The following NSD2 variants were observed in gnomAD, a reference collection of about 807,000 sequenced individuals.
NSD2 encodes the protein nuclear receptor binding SET domain protein 2, also known as histone-lysine N-methyltransferase NSD2.
Under a neutral mutation model 139.0 loss-of-function variants are expected in NSD2, and 12 were observed. The observed-to-expected ratio is 0.09, with a 90% CI of 0.06 to 0.14. The LOEUF (loss-of-function observed/expected upper bound fraction) is 0.14, where lower values mean the gene tolerates loss of function less well. Among genes scored for constraint, NSD2 ranks in the 10% least tolerant of loss-of-function variants. NSD2 has a pLI of 1.00. For synonymous variants in NSD2, 669 were observed against 648.7 expected (o/e 1.03, Z -0.48); for missense variants, 1,155 against 1,745.0 (o/e 0.66, Z 6.02).
At chr4:1,975,657 G>A in intron 20 of NSD2, 1 of 445,224 alleles carries the variant, frequency 2.2e-6, no homozygotes, top group Non-Finnish European at 4.1e-6. Flanking sequence ...CTGGGTGTGG[G>A]CAGGGCCGTG....
intron 1 of NSD2, among the ~76,000 whole-genome samples, chr4:1,886,266 G>T (rs571439420): frequency 2.0e-5 from 3 of 152,116 alleles, no homozygotes; most frequent in Non-Finnish European, 4.4e-5. Context: ...GAGTGTGGTG[G>T]TATGATCTCA....
intron 1 of NSD2, among the ~76,000 whole-genome samples, chr4:1,877,608 T>C (rs1003084589): frequency 6.6e-6 from 1 of 152,192 alleles, no homozygotes; most frequent in African/African-American, 2.4e-5. Context: ...GGCCCCACAC[T>C]GAATGCTGTG....
At chr4:1,977,806 C>A (rs1424544908) in intron 21 of NSD2, among the ~76,000 whole-genome samples, 2 of 142,336 alleles carry the variant, frequency 1.4e-5, no homozygotes, top group African/African-American at 5.5e-5. Flanking sequence ...AAAAAAAAAC[C>A]AAACAAACAA....
intron 6 of NSD2, 39 bp from the exon 7 acceptor site, chr4:1,935,105 G>A: frequency 1.9e-6 from 3 of 1,542,284 alleles, no homozygotes; most frequent in Non-Finnish European, 2.7e-6. Context: ...AGCTTTTGGA[G>A]TGGTTTTCAT....
intron 9 of NSD2, chr4:1,940,328 G>A (rs1722958575): frequency 9.3e-7 from 1 of 1,069,906 alleles, no homozygotes; most frequent in Non-Finnish European, 1.1e-6. Context: ...AGGTGAGTCA[G>A]AACTACCATT....
Position 1,948,843 on chromosome 4 carries a change from G to A in NSD2, c.1882-2229G>A, listed in dbSNP as rs1560737747. The A allele has an allele frequency of 4.0e-6, 4 of 1,005,100 alleles. No homozygotes were observed. The highest frequency in any genetic ancestry group is 4.7e-5 in the South Asian group (1 of 21,208). 62.3% of individuals were successfully genotyped at this position (1,005,100 alleles called of 1,614,324 possible). ...GACCCAGGACTGCTTTGTGTTTTCT[G>A]TCTTTCTCTCCATGCATTTTTTTTC... On this transcript the variant is annotated intron_variant, in intron 9 of 21. Transcript: ENST00000508803. This position sits in a 1 kb window ranked among gnomAD's most constrained non-coding sequence, Gnocchi z 4.5.
chr4:1,947,201 A>G, intron 9 of NSD2: 5 of 1,064,500 alleles, frequency 4.7e-6, no homozygotes, highest in Non-Finnish European at 5.7e-6. Flanking sequence ...GCCGCTGCTC[A>G]GGACACAGTG....
At position 1,979,806 on chromosome 4, in the gene NSD2, G is replaced by A. The variant is rs1727574247; in HGVS notation, c.*897G>A. The A allele has an allele frequency of 4.3e-6, 1 of 232,454 alleles. No homozygotes were observed. Among genetic ancestry groups the A allele is most frequent in the African/African-American group, 2.2e-5 (1 of 45,294 alleles). The allele number at this position is 232,454 out of a possible 1,614,324, so 14.4% of individuals were successfully genotyped here. ...CCTATTTCACAAATCACCACCGACTGAAGTGTGTGTTTACTGATGCGGCCC... is the reference window on the plus strand; with the variant it reads ...CCTATTTCACAAATCACCACCGACTAAAGTGTGTGTTTACTGATGCGGCCC... On this transcript the variant is annotated 3_prime_UTR_variant, in exon 22 of 22. Transcript: ENST00000508803.
intron 18 of NSD2, among the ~76,000 whole-genome samples, chr4:1,968,838 T>A (rs770070191): frequency 6.6e-6 from 1 of 152,166 alleles, no homozygotes. Flanking sequence ...GTCCGACAGT[T>A]GGAAAGATCC....
intron 9 of NSD2, chr4:1,944,379 A>G: frequency 1.9e-6 from 2 of 1,065,888 alleles, no homozygotes; most frequent in Non-Finnish European, 2.3e-6. Context: ...CCTTCATTTC[A>G]TAAGAACCTC....
At chr4:1,926,584 C>T (rs951882277) in intron 5 of NSD2, among the ~76,000 whole-genome samples, 1 of 151,892 alleles carries the variant, frequency 6.6e-6, no homozygotes. Context: ...GATCCTCCCC[C>T]CTCAGCCTTC....
At chr4:1,947,391 C>G (rs749121570) in intron 9 of NSD2, 2 of 1,060,798 alleles carry the variant, frequency 1.9e-6, no homozygotes, top group African/African-American at 3.3e-5. Flanking sequence ...GGTTAGAAGA[C>G]GACTGTGGTG....
At position 1,978,833 on chromosome 4, in the gene NSD2, C is replaced by T. The variant is rs774265779; in HGVS notation, c.4022C>T (p.Pro1341Leu). ...GTCAGAAGCACCAAGACTGAGAAGC[C>T]CCCCCCAGAGCCAGGGAAGCCGAAG... ...ASVRSTKTEK[P>L]PPEPGKPKGK... Residue 1341 changes from proline (P) to leucine (L), a missense_variant, in exon 22 of 22, where the codon CCC (proline) becomes CTC (leucine). By Grantham distance (98) the Pro-to-Leu change is moderately conservative. This residue lies in a region of NSD2 where 132 missense variants were observed against 94.3 expected (regional missense o/e 1.40). Transcript: ENST00000508803. 2.4e-5 allele frequency: 38 copies of T among 1,605,008 alleles called. No homozygotes were observed. Among genetic ancestry groups the T allele is most frequent in the Admixed American group, 1.7e-4 (10 of 59,602 alleles).
chr4:1,885,110 CAA>C (rs962763111), intron 1 of NSD2, among the ~76,000 whole-genome samples: 2 of 134,310 alleles, frequency 1.5e-5, no homozygotes, highest in Non-Finnish European at 3.2e-5. Context: ...AACTCTGTTT[CAA>C]AAAAAAAAAA....
chr4:1,955,100 T>G lies in NSD2; in HGVS notation c.2339-61T>G. On this transcript the variant is annotated intron_variant, in intron 12 of 21. Transcript: ENST00000508803. This position sits in a 1 kb window ranked among gnomAD's most constrained non-coding sequence, Gnocchi z 4.7. The stretch of plus-strand genomic sequence containing the variant: ...TGGAGGCTGAGTAATTATTAGTTGC[T>G]CTTTTCACTATGACTGGAGTCAGTG... 6.7e-7 allele frequency: 1 copy of G among 1,488,930 alleles called. No homozygotes were observed. Among genetic ancestry groups the G allele is most frequent in the East Asian group, 2.3e-5 (1 of 43,436 alleles). The allele number at this position is 1,488,930 out of a possible 1,614,324, so 92.2% of individuals were successfully genotyped here. A position where few individuals can be genotyped will look rare whatever the true frequency, so the allele number is the denominator to read the frequency against.
chr4:1,872,403 GTC>G (rs1713857577), intron 1 of NSD2, among the ~76,000 whole-genome samples: 1 of 152,186 alleles, frequency 6.6e-6, no homozygotes, highest in African/African-American at 2.4e-5. Flanking sequence ...AAAAATGCTG[GTC>G]TTAAGTTTCG....
intron 1 of NSD2, among the ~76,000 whole-genome samples, chr4:1,872,216 G>A (rs1713839465): frequency 6.6e-6 from 1 of 152,114 alleles, no homozygotes; most frequent in Non-Finnish European, 1.5e-5. Context: ...CCGGGTGTGG[G>A]TACCCTGCTG....
intron 18 of NSD2, among the ~76,000 whole-genome samples, chr4:1,967,228 A>T (rs1459833211): frequency 1.3e-5 from 2 of 152,228 alleles, no homozygotes; most frequent in Admixed American, 1.3e-4. Flanking sequence ...AAATCATGAA[A>T]AAAATGGAAA....
chr4:1,963,225 G>T (rs1220884350), intron 18 of NSD2, among the ~76,000 whole-genome samples: 2 of 152,194 alleles, frequency 1.3e-5, no homozygotes, highest in Non-Finnish European at 2.9e-5. Flanking sequence ...GCGAGAGTGG[G>T]TTTGTACACA....
Sources: allele counts gnomAD v4.1 joint callset (sites outside exome capture counted in the v4.1 genomes callset), GRCh38; gene constraint gnomAD v4.1.1; regional missense constraint gnomAD v4.1.1; non-coding constraint Gnocchi (gnomAD v3.1); transcripts MANE v1.5; gene names NCBI Gene and HGNC (gene_info 2026-07-23, HGNC 2026-07-21).